Variants in SETBP1 observed in about 807,000 individuals in gnomAD.
SETBP1 encodes the protein SET-binding protein.
SETBP1 carries 9 observed loss-of-function variants against 101.0 expected under a neutral mutation model. The observed-to-expected ratio is 0.09, with a 90% CI of 0.05 to 0.16. SETBP1 has a LOEUF of 0.16. Ranked by LOEUF, SETBP1 falls within the 10% of genes least tolerant of loss-of-function variation. The pLI is 1.00. For missense variants in SETBP1, 1,858 were observed against 2,033.8 expected (o/e 0.91, Z 1.66); for synonymous variants, 818 against 788.5 (o/e 1.04, Z -0.63).
intron 3 of SETBP1, among the ~76,000 whole-genome samples, chr18:44,886,580 C>G (rs2069653201): frequency 6.6e-6 from 1 of 151,890 alleles, no homozygotes; most frequent in African/African-American, 2.4e-5. Flanking sequence ...TTTAAAATTT[C>G]TAGCCCTTAG....
intron 4 of SETBP1, among the ~76,000 whole-genome samples, chr18:44,957,328 A>G (rs1212537153): frequency 6.6e-6 from 1 of 152,076 alleles, no homozygotes; most frequent in African/African-American, 2.4e-5. Flanking sequence ...ACCTAAACTT[A>G]TGCCAGATAC....
At chr18:44,769,688 CA>C (rs2070832481) in intron 2 of SETBP1, among the ~76,000 whole-genome samples, 1 of 152,126 alleles carries the variant, frequency 6.6e-6, no homozygotes, top group African/African-American at 2.4e-5. Context: ...ATAAGGAAAT[CA>C]AATACAAACA....
At chr18:44,820,271 T>G (rs976632582) in intron 2 of SETBP1, among the ~76,000 whole-genome samples, 1 of 152,222 alleles carries the variant, frequency 6.6e-6, no homozygotes, top group African/African-American at 2.4e-5. Context: ...GGGCATTCAT[T>G]TTTTCAATCA....
chr18:44,682,554 C>G (rs1373010552), intron 1 of SETBP1, among the ~76,000 whole-genome samples: 2 of 152,138 alleles, frequency 1.3e-5, no homozygotes, highest in Non-Finnish European at 2.9e-5. Context: ...TTTGCTCTGA[C>G]GAGGGATTCC....
chr18:45,033,069 A>G (rs2073329574), intron 4 of SETBP1, among the ~76,000 whole-genome samples: 1 of 152,236 alleles, frequency 6.6e-6, no homozygotes, highest in South Asian at 2.1e-4. Context: ...GATTCACTTT[A>G]TTCTATAATG....
intron 3 of SETBP1, among the ~76,000 whole-genome samples, chr18:44,896,942 TCA>T (rs138643380): frequency 4.6e-5 from 7 of 151,718 alleles, no homozygotes; most frequent in East Asian, 1.9e-4. Flanking sequence ...AACTGTACCA[TCA>T]CACACACACA....
intron 5 of SETBP1, among the ~76,000 whole-genome samples, chr18:45,044,608 G>C (rs1475327438): frequency 6.6e-6 from 1 of 152,110 alleles, no homozygotes; most frequent in Non-Finnish European, 1.5e-5. Flanking sequence ...TTCTCCTATG[G>C]CCAAGGGAAG....
rs536875831 is a variant in SETBP1, at chr18:44,730,622, T to G, written c.486+28790T>G. Among the ~76,000 whole-genome samples the G allele has an allele frequency of 5.3e-5, 8 of 152,308 alleles. No individual in the cohort carries two copies. The South Asian group carries it at 1.7e-3, about 32-fold the overall frequency. On this transcript the variant is annotated intron_variant, in intron 2 of 5. Transcript: ENST00000649279. ...AAGAAGAAAGCATTTTGACACATGC[T>G]CCCTGTTGTGCCTGTCCTCTTTTTC...
chr18:45,001,355 A>G (rs1256138622), intron 4 of SETBP1, among the ~76,000 whole-genome samples: 1 of 152,258 alleles, frequency 6.6e-6, no homozygotes, highest in African/African-American at 2.4e-5. Context: ...AGGCCAGTAT[A>G]CAAAGTAAAT....
chr18:44,851,129 A>G (rs528035079), intron 2 of SETBP1, among the ~76,000 whole-genome samples: 1 of 152,270 alleles, frequency 6.6e-6, no homozygotes, highest in South Asian at 2.1e-4. Context: ...CATCATTATC[A>G]TTATCATCAT....
At chr18:44,694,281 G>A (rs569078741) in intron 1 of SETBP1, among the ~76,000 whole-genome samples, 12 of 152,190 alleles carry the variant, frequency 7.9e-5, no homozygotes, top group Admixed American at 3.3e-4. Flanking sequence ...GTGCGATCTC[G>A]GCTCTCTGCA....
At chr18:44,992,858 AAG>A (rs1417063371) in intron 4 of SETBP1, among the ~76,000 whole-genome samples, 4 of 152,032 alleles carry the variant, frequency 2.6e-5, no homozygotes, top group Non-Finnish European at 5.9e-5. Context: ...AATGAGAAAA[AAG>A]AAATAATAGT....
chr18:44,911,405 A>G (rs2070305837), intron 3 of SETBP1, among the ~76,000 whole-genome samples: 1 of 152,148 alleles, frequency 6.6e-6, no homozygotes, highest in South Asian at 2.1e-4. Context: ...TTAGAAATCC[A>G]CTACTCTGGT....
At chr18:44,761,488 C>G (rs1343123328) in intron 2 of SETBP1, among the ~76,000 whole-genome samples, 1 of 152,216 alleles carries the variant, frequency 6.6e-6, no homozygotes, top group Non-Finnish European at 1.5e-5. Flanking sequence ...GCTTACAAAG[C>G]TTGCCCAGGG....
At chr18:44,935,631 G>A (rs1599344857) in intron 3 of SETBP1, among the ~76,000 whole-genome samples, 1 of 152,202 alleles carries the variant, frequency 6.6e-6, no homozygotes, top group Admixed American at 6.5e-5. Flanking sequence ...AGAAGTACCT[G>A]TTAAAAACAC....
intron 4 of SETBP1, among the ~76,000 whole-genome samples, chr18:44,962,345 G>A (rs905809399): frequency 3.9e-5 from 6 of 152,152 alleles, no homozygotes; most frequent in African/African-American, 1.4e-4. Flanking sequence ...CAGTTGAGTG[G>A]GGATGGATTT....
chr18:44,842,331 C>T (rs1431560946), intron 2 of SETBP1, among the ~76,000 whole-genome samples: 1 of 152,148 alleles, frequency 6.6e-6, no homozygotes, highest in Non-Finnish European at 1.5e-5. Flanking sequence ...GCAAATAGGT[C>T]ACCGGACATT....
Position 44,950,325 on chromosome 18 carries a change from C to T in SETBP1, c.985C>T (p.Pro329Ser), listed in dbSNP as rs1273067944. 1.2e-6 allele frequency: 2 copies of T among 1,613,924 alleles called. No homozygotes were observed. Among genetic ancestry groups the T allele is most frequent in the South Asian group, 1.1e-5 (1 of 91,090 alleles). The change falls in exon 4 of 6, where the codon CCT becomes TCT. Residue 329 changes from proline (P) to serine (S), a missense_variant. Transcript: ENST00000649279. ...GGGTKEPPEP[P>S]TVGSKKKSSK... ...AGGTACAAAGGAGCCCCCAGAACCA[C>T]CTACGGTGGGCAGCAAGAAAAAGTC...
chr18:45,061,054 CA>C (rs1161547477), intron 5 of SETBP1, among the ~76,000 whole-genome samples: 1 of 152,142 alleles, frequency 6.6e-6, no homozygotes, highest in African/African-American at 2.4e-5. Flanking sequence ...AAAGAGAGGG[CA>C]AACTGTAAAT....
Sources: gnomAD v4.1 joint callset for allele counts (sites outside exome capture counted in the v4.1 genomes callset) on GRCh38, gnomAD v4.1.1 for gene constraint, MANE v1.5 for transcripts, NCBI Gene and HGNC (gene_info 2026-07-23, HGNC 2026-07-21) for gene names.